Variants in SRPK2 observed in about 807,000 individuals in gnomAD.
SRPK2 encodes SFRS protein kinase 2.
SRPK2 carries 21 observed loss-of-function variants against 90.8 expected under a neutral mutation model. That is an observed-to-expected ratio of 0.23 (90% CI 0.16 to 0.33). SRPK2 has a LOEUF of 0.33. SRPK2 is among the 10% of genes least tolerant of loss of function. The pLI, the probability that SRPK2 is intolerant of heterozygous loss-of-function variation, is 1.00. For synonymous variants in SRPK2, 288 were observed against 311.1 expected (o/e 0.93, Z 0.78); for missense variants, 620 against 869.0 (o/e 0.71, Z 3.60).
intron 11 of SRPK2, among the ~76,000 whole-genome samples, chr7:105,141,536 T>C (rs1803775880): frequency 6.6e-6 from 1 of 152,176 alleles, no homozygotes; most frequent in African/African-American, 2.4e-5. Flanking sequence ...CAGTTACCAA[T>C]AGTAGGGTCC....
At chr7:105,393,100 TCTC>T (rs1325190623), upstream of SRPK2, among the ~76,000 whole-genome samples, 2 of 152,004 alleles carry the variant, frequency 1.3e-5, no homozygotes, top group Non-Finnish European at 2.9e-5. Context: ...CTCAAGTGAT[TCTC>T]CTGCCTCAGC....
At chr7:105,338,800 T>G (rs1815417188) in intron 2 of SRPK2, among the ~76,000 whole-genome samples, 1 of 152,236 alleles carries the variant, frequency 6.6e-6, no homozygotes, top group Non-Finnish European at 1.5e-5. Context: ...TGGAACTGTT[T>G]ATTTTGACCC....
intron 2 of SRPK2, among the ~76,000 whole-genome samples, chr7:105,336,096 AT>A (rs1029059745): frequency 2.0e-5 from 3 of 152,164 alleles, no homozygotes; most frequent in African/African-American, 7.2e-5. Flanking sequence ...AATTTATAGT[AT>A]TTTTCTTGAA....
At chr7:105,385,171 ATTTTTTTTTTTTTT>A (rs767913304) in intron 2 of SRPK2, among the ~76,000 whole-genome samples, 15 of 49,684 alleles carry the variant, frequency 3.0e-4, no homozygotes, top group African/African-American at 1.5e-3. Context: ...CGCGCCCGGC[ATTTTTTTTTTTTTT>A]TTTTTTTTTT....
At chr7:105,362,516 CAAA>C (rs1204929885) in intron 2 of SRPK2, among the ~76,000 whole-genome samples, 22 of 58,070 alleles carry the variant, frequency 3.8e-4, no homozygotes, top group African/African-American at 1.2e-3. Flanking sequence ...GACTCTGTCT[CAAA>C]AAAAAAAAAA....
chr7:105,297,005 G>C (rs1585594373), intron 2 of SRPK2, among the ~76,000 whole-genome samples: 1 of 152,176 alleles, frequency 6.6e-6, no homozygotes, highest in African/African-American at 2.4e-5. Flanking sequence ...TCAGAATAAT[G>C]TGTGGTGGGG....
At chr7:105,351,817 A>AG (rs1446824498) in intron 2 of SRPK2, among the ~76,000 whole-genome samples, 1 of 147,332 alleles carries the variant, frequency 6.8e-6, no homozygotes, top group Non-Finnish European at 1.5e-5. Context: ...AAAAAAAAAA[A>AG]AAGAAGAAGA....
chr7:105,283,192 T>C (rs1230176168), intron 2 of SRPK2, among the ~76,000 whole-genome samples: 1 of 152,186 alleles, frequency 6.6e-6, no homozygotes, highest in African/African-American at 2.4e-5. Flanking sequence ...GCATGGCTGG[T>C]GGGAAAGTTA....
At chr7:105,277,117 C>G (rs957612502) in intron 2 of SRPK2, among the ~76,000 whole-genome samples, 1 of 152,090 alleles carries the variant, frequency 6.6e-6, no homozygotes, top group African/African-American at 2.4e-5. Flanking sequence ...CACTCTGTCG[C>G]CCAGGCTGGA....
intron 3 of SRPK2, among the ~76,000 whole-genome samples, chr7:105,179,102 A>C (rs939300175): frequency 6.6e-6 from 1 of 152,202 alleles, no homozygotes; most frequent in African/African-American, 2.4e-5. Context: ...CAGTCCGTTG[A>C]TTGAGCAACC....
intron 2 of SRPK2, among the ~76,000 whole-genome samples, chr7:105,299,777 T>A (rs9641347): frequency 6.6e-6 from 1 of 151,728 alleles, no homozygotes; most frequent in South Asian, 2.1e-4. Flanking sequence ...GCCTGTAATC[T>A]CAGCTACCTG....
intron 2 of SRPK2, among the ~76,000 whole-genome samples, chr7:105,322,223 TG>T (rs1220785720): frequency 2.0e-5 from 3 of 152,154 alleles, no homozygotes; most frequent in Non-Finnish European, 4.4e-5. Context: ...GAGACCCGCC[TG>T]GCCAACATGT....
At chr7:105,388,495 G>A (rs1194336332) in intron 2 of SRPK2, among the ~76,000 whole-genome samples, 153 bp downstream of exon 2, 1 of 146,090 alleles carries the variant, frequency 6.8e-6, no homozygotes, top group African/African-American at 2.5e-5. Flanking sequence ...CCTCCCCCCG[G>A]GCCGCCCGCC....
At chr7:105,306,875 C>G (rs1811207730) in intron 2 of SRPK2, among the ~76,000 whole-genome samples, 1 of 152,086 alleles carries the variant, frequency 6.6e-6, no homozygotes, top group Admixed American at 6.5e-5. Context: ...TGTTTAAACA[C>G]AAACTTACAA....
At chr7:105,275,825 G>A (rs1806409779) in intron 2 of SRPK2, among the ~76,000 whole-genome samples, 1 of 152,170 alleles carries the variant, frequency 6.6e-6, no homozygotes, top group Non-Finnish European at 1.5e-5. Flanking sequence ...AGAACACACA[G>A]AAGCTGTGGG....
At chr7:105,300,518 T>C (rs1810411681) in intron 2 of SRPK2, among the ~76,000 whole-genome samples, 1 of 152,164 alleles carries the variant, frequency 6.6e-6, no homozygotes, top group Non-Finnish European at 1.5e-5. Flanking sequence ...ATACAACTAA[T>C]GGAAATTAAT....
chr7:105,333,983 C>T (rs899019916), intron 2 of SRPK2, among the ~76,000 whole-genome samples: 5 of 152,132 alleles, frequency 3.3e-5, no homozygotes, highest in South Asian at 2.1e-4. Context: ...AGTGCAGTGG[C>T]GCGATCTCAG....
intron 11 of SRPK2, among the ~76,000 whole-genome samples, chr7:105,139,004 G>A (rs1195218474): frequency 6.6e-6 from 1 of 152,132 alleles, no homozygotes; most frequent in African/African-American, 2.4e-5. Flanking sequence ...CTATGTGGAG[G>A]ATATACAGTT....
At chr7:105,346,460 C>T (rs1816468593) in intron 2 of SRPK2, among the ~76,000 whole-genome samples, 1 of 152,012 alleles carries the variant, frequency 6.6e-6, no homozygotes, top group Non-Finnish European at 1.5e-5. Flanking sequence ...CCAGCACTGT[C>T]AAAAGCAACA....
Sources: allele counts gnomAD v4.1 joint callset (sites outside exome capture counted in the v4.1 genomes callset), GRCh38; gene constraint gnomAD v4.1.1; transcripts MANE v1.5; gene names NCBI Gene and HGNC (gene_info 2026-07-23, HGNC 2026-07-21).